Variants in DPH6 observed in about 807,000 individuals in gnomAD.
DPH6 encodes diphthine--ammonia ligase.
DPH6 carries 33 observed loss-of-function variants against 38.2 expected under a neutral mutation model. The observed-to-expected ratio is 0.86, with a 90% CI of 0.65 to 1.15. DPH6 has a LOEUF of 1.15. DPH6 is among the 50% of genes most tolerant of loss of function. DPH6 has a pLI of 0.00. For synonymous variants in DPH6, 108 were observed against 103.0 expected (o/e 1.05, Z -0.30); for missense variants, 325 against 320.0 (o/e 1.02, Z -0.12).
intron 5 of DPH6, among the ~76,000 whole-genome samples, chr15:35,436,483 ACAAAACAAAACAAAACAAAACAAAAC>A (rs1566909197): frequency 3.1e-4 from 11 of 35,254 alleles, no homozygotes; most frequent in African/African-American, 7.8e-4. Flanking sequence ...ACAAACAAAA[ACAAAACAAAACAAAACAAAACAAAAC>A]AAAACAAAAA....
chr15:35,194,196 T>G, the DPH6 span, among the ~76,000 whole-genome samples: 5 of 152,140 alleles, frequency 3.3e-5, no homozygotes, highest in Admixed American at 6.6e-5. Flanking sequence ...AGGTTCCATA[T>G]CTTTTGTGAC....
At chr15:35,331,912 T>C (rs1458749395) in intron 3 of DPH6, among the ~76,000 whole-genome samples, 2 of 152,116 alleles carry the variant, frequency 1.3e-5, no homozygotes, top group African/African-American at 4.8e-5. Context: ...CAGAGAAAGC[T>C]CTGAGGCAGA....
At chr15:35,528,681 T>C (rs2055041494) in intron 3 of DPH6, among the ~76,000 whole-genome samples, 1 of 152,184 alleles carries the variant, frequency 6.6e-6, no homozygotes, top group Non-Finnish European at 1.5e-5. Context: ...CCACAAGAAT[T>C]TGTTGAACAG....
chr15:35,278,906 G>A (rs2051876637), intron 3 of DPH6, among the ~76,000 whole-genome samples: 1 of 151,828 alleles, frequency 6.6e-6, no homozygotes, highest in Non-Finnish European at 1.5e-5. Flanking sequence ...AAAATTACGT[G>A]GGCGTGGTGG....
At chr15:35,384,610 C>A (rs1209802683) in intron 6 of DPH6, among the ~76,000 whole-genome samples, 1 of 152,024 alleles carries the variant, frequency 6.6e-6, no homozygotes, top group African/African-American at 2.4e-5. Context: ...TTGCAGTGAG[C>A]CGAGATCGCA....
intron 3 of DPH6, among the ~76,000 whole-genome samples, chr15:35,495,496 C>CA (rs2054537538): frequency 6.6e-6 from 1 of 152,094 alleles, no homozygotes; most frequent in African/African-American, 2.4e-5. Context: ...TACATACCGG[C>CA]ACTAGCATCA....
rs569068846 is a variant in DPH6, at chr15:35,256,526, AT to A, written n.201-35945del. 1.7e-3 allele frequency among the ~76,000 whole-genome samples: 256 copies of A among 152,264 alleles called. 1 individual carries two copies. The highest frequency in any genetic ancestry group is 4.9e-3 in the African/African-American group (205 of 41,548). ...AATGTATTCAATGTACTAAAATATA[AT>A]TTTTTTTCTTTTTAGAAATAAAGGG... is the stretch of plus-strand genomic sequence containing the variant. On this transcript the variant is annotated intron_variant and non_coding_transcript_variant, in intron 3 of 3. Coordinates refer to the DPH6 transcript ENST00000560386.
intron 6 of DPH6, among the ~76,000 whole-genome samples, chr15:35,390,354 T>C (rs924946421): frequency 6.6e-6 from 1 of 152,134 alleles, no homozygotes; most frequent in African/African-American, 2.4e-5. Flanking sequence ...ATCTTTGTGG[T>C]GTTCTCTGTA....
chr15:35,504,524 T>A (rs1489346190), intron 3 of DPH6, among the ~76,000 whole-genome samples: 3 of 151,962 alleles, frequency 2.0e-5, no homozygotes, highest in Admixed American at 2.0e-4. Flanking sequence ...AACAATATAA[T>A]ATTGTACTGT....
At chr15:35,361,512 C>CTT (rs61674855) in intron 3 of DPH6, among the ~76,000 whole-genome samples, 1 of 147,346 alleles carries the variant, frequency 6.8e-6, no homozygotes, top group Non-Finnish European at 1.5e-5. Context: ...AATAACCTCT[C>CTT]TTTTTTTTTT....
At position 35,542,411 on chromosome 15, in the gene DPH6, A is replaced by G. The variant is rs2055266076; in HGVS notation, c.118+2T>C. 4 of 1,564,452 alleles carry G rather than the reference A, an allele frequency of 2.6e-6. No homozygotes were observed. The highest frequency in any genetic ancestry group is 3.5e-6 in the Non-Finnish European group (4 of 1,141,908). ...AACTTCCCAATAAAGGCATGTACTTACCTTGGTTTTCAGCTGGTCTTAGAT... is the reference window on the plus strand; with the variant it reads ...AACTTCCCAATAAAGGCATGTACTTGCCTTGGTTTTCAGCTGGTCTTAGAT... On this transcript the variant is annotated splice_donor_variant, in intron 2 of 8. Coordinates refer to ENST00000256538, the MANE Select transcript of DPH6 (RefSeq NM_080650.4). LOFTEE classifies it high-confidence loss of function.
At chr15:35,341,177 C>T (rs1457112094) in intron 3 of DPH6, among the ~76,000 whole-genome samples, 1 of 152,128 alleles carries the variant, frequency 6.6e-6, no homozygotes, top group Non-Finnish European at 1.5e-5. Flanking sequence ...GCTATTGATA[C>T]TTGTGATTGC....
At chr15:35,318,886 G>T (rs998501005) in intron 3 of DPH6, among the ~76,000 whole-genome samples, 1 of 151,994 alleles carries the variant, frequency 6.6e-6, no homozygotes, top group Non-Finnish European at 1.5e-5. Context: ...TGTAATCAAG[G>T]TCTTGCATTT....
At chr15:35,490,099 C>T (rs993589367) in intron 3 of DPH6, 1 of 985,370 alleles carries the variant, frequency 1.0e-6, no homozygotes, top group Non-Finnish European at 1.2e-6. Flanking sequence ...CTCTTCCAGG[C>T]TCACCAGCTC....
intron 5 of DPH6, among the ~76,000 whole-genome samples, chr15:35,422,236 G>A (rs2053514992): frequency 6.6e-6 from 1 of 151,764 alleles, no homozygotes; most frequent in Non-Finnish European, 1.5e-5. Context: ...TCAGAGAAGA[G>A]TTATCTAATT....
chr15:35,274,423 C>T (rs770169670), intron 3 of DPH6, among the ~76,000 whole-genome samples: 3 of 152,080 alleles, frequency 2.0e-5, no homozygotes, highest in Non-Finnish European at 4.4e-5. Flanking sequence ...AGCGCTTCTG[C>T]ACAGCAAAAG....
chr15:35,329,683 A>G (rs1308645808), downstream of DPH6, among the ~76,000 whole-genome samples: 1 of 152,178 alleles, frequency 6.6e-6, no homozygotes, highest in East Asian at 1.9e-4. Flanking sequence ...AATTTGGGAA[A>G]GAAATACATT....
At chr15:35,232,566 G>C (rs886821936) in intron 3 of DPH6, among the ~76,000 whole-genome samples, 2 of 152,056 alleles carry the variant, frequency 1.3e-5, no homozygotes, top group Non-Finnish European at 2.9e-5. Context: ...AGGTGACAGA[G>C]CAATACTCCG....
At chr15:35,436,759 T>TG (rs2053721333) in intron 5 of DPH6, among the ~76,000 whole-genome samples, 1 of 150,848 alleles carries the variant, frequency 6.6e-6, no homozygotes. Flanking sequence ...TTAAGTTTTT[T>TG]TTTTTTTCTT....
Sources: allele counts gnomAD v4.1 joint callset (sites outside exome capture counted in the v4.1 genomes callset), GRCh38; gene constraint gnomAD v4.1.1; transcripts MANE v1.5; gene names NCBI Gene and HGNC (gene_info 2026-07-23, HGNC 2026-07-21).